Variants in SLC4A4 observed in about 807,000 individuals in gnomAD.
SLC4A4 encodes electrogenic sodium bicarbonate cotransporter 1.
SLC4A4 carries 27 observed loss-of-function variants against 111.5 expected under a neutral mutation model. The ratio of observed to expected loss-of-function variants is 0.24; its 90% CI spans 0.18 to 0.33. The LOEUF is 0.33. Among genes scored for constraint, SLC4A4 ranks in the 10% least tolerant of loss-of-function variants. The pLI, the probability that SLC4A4 is intolerant of heterozygous loss-of-function variation, is 1.00. For synonymous variants in SLC4A4, 443 were observed against 463.4 expected (o/e 0.96, Z 0.57); for missense variants, 909 against 1,315.5 (o/e 0.69, Z 4.78).
intron 2 of SLC4A4, among the ~76,000 whole-genome samples, chr4:71,111,483 T>C (rs929103426): frequency 6.9e-6 from 1 of 145,798 alleles, no homozygotes; most frequent in East Asian, 2.1e-4. Flanking sequence ...TGCCTCAGCC[T>C]CCTGAGTAGC....
chr4:71,464,808 T>C (rs1727163811), intron 12 of SLC4A4, among the ~76,000 whole-genome samples: 1 of 152,192 alleles, frequency 6.6e-6, no homozygotes, highest in Admixed American at 6.6e-5. Flanking sequence ...AGAATGTTGC[T>C]GTCTCTGAAG....
At chr4:71,129,074 A>G (rs1017346545) in intron 2 of SLC4A4, among the ~76,000 whole-genome samples, 2 of 152,234 alleles carry the variant, frequency 1.3e-5, no homozygotes, top group Non-Finnish European at 2.9e-5. Context: ...CATGAAGAAG[A>G]TGCCAAAAGC....
intron 17 of SLC4A4, among the ~76,000 whole-genome samples, chr4:71,533,394 T>C (rs1734117057): frequency 6.6e-6 from 1 of 152,146 alleles, no homozygotes. Context: ...AGACAGATGA[T>C]GGGAATGTCC....
intron 3 of SLC4A4, among the ~76,000 whole-genome samples, chr4:71,305,659 A>C (rs572437078): frequency 1.8e-4 from 28 of 152,268 alleles, no homozygotes; most frequent in African/African-American, 6.5e-4. Context: ...ATATTATTTC[A>C]CTTCCGTGTC....
chr4:71,337,235 T>C (rs1385644345), intron 3 of SLC4A4, among the ~76,000 whole-genome samples: 1 of 152,204 alleles, frequency 6.6e-6, no homozygotes, highest in Non-Finnish European at 1.5e-5. Context: ...GGGACTATGT[T>C]ATTTAATCTA....
chr4:71,267,277 C>T (rs948206037), intron 3 of SLC4A4, among the ~76,000 whole-genome samples: 1 of 151,910 alleles, frequency 6.6e-6, no homozygotes, highest in Admixed American at 6.6e-5. Context: ...AGGTTCTGAT[C>T]AAGGTAGGGA....
In SLC4A4 at chr4:71,191,614, G is replaced by A. The variant is rs535932756; in HGVS notation, c.-2+4213G>A. On this transcript the variant is annotated intron_variant, in intron 1 of 25. Coordinates refer to ENST00000264485, the MANE Select transcript of SLC4A4 (RefSeq NM_001098484.3). The stretch of plus-strand genomic sequence containing the variant: ...AAGTGATGGTTTCCATTTTCTGTTG[G>A]TAATTCTGCTCAGTAGCAGTGCCCA... Among the ~76,000 whole-genome samples, 4 of 152,284 alleles carry A rather than the reference G, an allele frequency of 2.6e-5. No homozygotes were observed. In the South Asian group the frequency reaches 8.3e-4, roughly 32 times the overall value.
chr4:71,126,656 GT>G (rs1743570814), intron 2 of SLC4A4, among the ~76,000 whole-genome samples: 1 of 152,076 alleles, frequency 6.6e-6, no homozygotes, highest in South Asian at 2.1e-4. Context: ...AAAATTTATG[GT>G]TTACTTTGAA....
At chr4:71,423,026 T>C (rs1028528014) in intron 7 of SLC4A4, among the ~76,000 whole-genome samples, 3 of 152,124 alleles carry the variant, frequency 2.0e-5, no homozygotes, top group Non-Finnish European at 4.4e-5. Context: ...GGTATTCTAT[T>C]AGGAAAAGAG....
intron 2 of SLC4A4, among the ~76,000 whole-genome samples, chr4:71,142,434 C>A (rs1744023951): frequency 6.6e-6 from 1 of 152,156 alleles, no homozygotes. Context: ...CATTCAAACT[C>A]AACTATGGCT....
At chr4:71,533,680 T>C (rs921066726) in intron 17 of SLC4A4, among the ~76,000 whole-genome samples, 3 of 152,024 alleles carry the variant, frequency 2.0e-5, no homozygotes, top group African/African-American at 7.2e-5. Flanking sequence ...ATTTTTACAT[T>C]AGTTCACTTA....
intron 3 of SLC4A4, among the ~76,000 whole-genome samples, chr4:71,275,456 A>ATT (rs889450501): frequency 6.6e-6 from 1 of 152,180 alleles, no homozygotes; most frequent in Non-Finnish European, 1.5e-5. Flanking sequence ...GGTTATCATA[A>ATT]TTTACCTTAA....
chr4:71,084,792 T>C (rs1304970529), intron 1 of SLC4A4, among the ~76,000 whole-genome samples: 2 of 152,122 alleles, frequency 1.3e-5, no homozygotes, highest in African/African-American at 4.8e-5. Context: ...ATTTTCTTAA[T>C]CCAGTCTACT....
intron 5 of SLC4A4, among the ~76,000 whole-genome samples, chr4:71,351,580 C>T (rs1427325240): frequency 6.6e-6 from 1 of 152,106 alleles, no homozygotes; most frequent in Non-Finnish European, 1.5e-5. Context: ...TATCGCTGGG[C>T]GTGGTGGCTC....
intron 2 of SLC4A4, among the ~76,000 whole-genome samples, chr4:71,113,569 A>C (rs1173758388): frequency 6.6e-6 from 1 of 152,204 alleles, no homozygotes. Context: ...TCCCCTGTGC[A>C]CTTTCAACTG....
intron 18 of SLC4A4, among the ~76,000 whole-genome samples, chr4:71,540,764 T>A (rs1734969491): frequency 6.6e-6 from 1 of 152,126 alleles, no homozygotes; most frequent in Admixed American, 6.6e-5. Flanking sequence ...CAATTAATAA[T>A]CTGTATCTGT....
At chr4:71,419,493 C>G (rs1186264264) in intron 7 of SLC4A4, among the ~76,000 whole-genome samples, 1 of 152,260 alleles carries the variant, frequency 6.6e-6, no homozygotes, top group Non-Finnish European at 1.5e-5. Flanking sequence ...GTAGGACCCT[C>G]CGAGCCAGGT....
At chr4:71,426,523 G>A (rs371685819) in intron 7 of SLC4A4, among the ~76,000 whole-genome samples, 52 of 152,224 alleles carry the variant, frequency 3.4e-4, no homozygotes, top group African/African-American at 1.0e-3. Flanking sequence ...TGTAGGCAAC[G>A]TACTAGTCTC....
At position 71,472,876 on chromosome 4, in the gene SLC4A4, G is replaced by A. The variant is rs1728013194; in HGVS notation, c.1809G>A (p.Lys603=). 7 of 1,612,882 alleles carry A rather than the reference G, an allele frequency of 4.3e-6. No homozygotes were observed. In the East Asian group the frequency reaches 1.6e-4, roughly 36 times the overall value. The part of the protein sequence containing the change: ...SFIFIYDAFK[K]MIKLADYYPI... ...TCTTTATCTATGATGCTTTCAAGAA[G>A]ATGATCAAGCTTGCAGATTACTACC... The change falls in exon 14 of 26, where the codon AAG becomes AAA. Residue 603 remains lysine, a synonymous_variant. Transcript: ENST00000264485.
Sources: gnomAD v4.1 joint callset for allele counts (sites outside exome capture counted in the v4.1 genomes callset) on GRCh38, gnomAD v4.1.1 for gene constraint, MANE v1.5 for transcripts, NCBI Gene and HGNC (gene_info 2026-07-23, HGNC 2026-07-21) for gene names.